The following MTSS1 variants were observed in gnomAD, a reference collection of about 807,000 sequenced individuals.
MTSS1 encodes protein MTSS 1.
Under a neutral mutation model 79.0 loss-of-function variants are expected in MTSS1, and 18 were observed. That is an observed-to-expected ratio of 0.23 (90% CI 0.16 to 0.34). The LOEUF is 0.34. Among genes scored for constraint, MTSS1 ranks in the 10% least tolerant of loss-of-function variants. MTSS1 has a pLI of 1.00. For missense variants in MTSS1, 815 were observed against 986.2 expected (o/e 0.83, Z 2.33); for synonymous variants, 341 against 368.6 (o/e 0.93, Z 0.86).
At chr8:124,649,745 A>G (rs534479496) in intron 3 of MTSS1, among the ~76,000 whole-genome samples, 1 of 152,292 alleles carries the variant, frequency 6.6e-6, no homozygotes, top group Non-Finnish European at 1.5e-5. Context: ...CACGACAACC[A>G]AAAGAAAGGA....
chr8:124,577,997 G>C, intron 6 of MTSS1, among the ~76,000 whole-genome samples: 1 of 152,190 alleles, frequency 6.6e-6, no homozygotes, highest in South Asian at 2.1e-4. Flanking sequence ...GATACGGCTG[G>C]GGGATGAGCA....
chr8:124,616,671 T>C (rs186749678), intron 3 of MTSS1, among the ~76,000 whole-genome samples: 100 of 152,242 alleles, frequency 6.6e-4, no homozygotes, highest in African/African-American at 2.3e-3. Flanking sequence ...TTCAGCAACT[T>C]CCCTGTCTGA....
intron 3 of MTSS1, among the ~76,000 whole-genome samples, chr8:124,660,645 AT>A (rs1821867377): frequency 6.6e-6 from 1 of 152,118 alleles, no homozygotes; most frequent in African/African-American, 2.4e-5. Context: ...CACACCAAAT[AT>A]GAGGCTCTGG....
At chr8:124,679,283 C>T (rs534858122) in intron 3 of MTSS1, among the ~76,000 whole-genome samples, 6 of 152,226 alleles carry the variant, frequency 3.9e-5, no homozygotes, top group Non-Finnish European at 8.8e-5. Flanking sequence ...ACTGCAGTCG[C>T]ACACTGTAGT....
At chr8:124,619,913 A>G (rs986315425) in intron 3 of MTSS1, among the ~76,000 whole-genome samples, 4 of 143,940 alleles carry the variant, frequency 2.8e-5, no homozygotes, top group African/African-American at 1.1e-4. Context: ...ATAACAGTAC[A>G]AAAATTACAG....
chr8:124,654,347 C>G (rs16899930), intron 3 of MTSS1, among the ~76,000 whole-genome samples: 14,111 of 152,122 alleles, frequency 0.093, 743 homozygotes, highest in African/African-American at 0.14. Context: ...TTCCCTGGCA[C>G]GCAAAGCATC....
chr8:124,589,825 T>A, intron 4 of MTSS1, 114 bp from the exon 5 acceptor site: 1 of 749,502 alleles, frequency 1.3e-6, no homozygotes, highest in South Asian at 1.7e-5. Flanking sequence ...AACGTTCTCA[T>A]CTAAACCCCG....
rs1822994152 is a variant in MTSS1, at chr8:124,553,776, C to T, written c.1568-84G>A. On this transcript the variant is annotated intron_variant, in intron 13 of 13. Coordinates refer to ENST00000518547, the MANE Select transcript of MTSS1 (RefSeq NM_014751.6). This position sits in a 1 kb window ranked among gnomAD's most constrained non-coding sequence, Gnocchi z 6.0. The stretch of plus-strand genomic sequence containing the variant: ...CTGGGCTGGGAGGACAAAAGGCACG[C>T]AAGGCAGGGTACACACACAGTCTCA... 4.1e-6 allele frequency: 5 copies of T among 1,228,582 alleles called. No homozygotes were observed. Among genetic ancestry groups the T allele is most frequent in the Non-Finnish European group, 5.7e-6 (5 of 882,412 alleles). 76.1% of individuals were successfully genotyped at this position (1,228,582 alleles called of 1,614,324 possible).
At chr8:124,583,714 A>G (rs1321084887) in intron 6 of MTSS1, among the ~76,000 whole-genome samples, 2 of 152,192 alleles carry the variant, frequency 1.3e-5, no homozygotes, top group Non-Finnish European at 2.9e-5. Flanking sequence ...CTCCCAGCCC[A>G]GGAATCCTTC....
chr8:124,553,197 T>C lies in MTSS1; in HGVS notation c.2063A>G (p.Gln688Arg). The C allele has an allele frequency of 6.2e-7, 1 of 1,614,166 alleles. No individual in the cohort carries two copies. Among genetic ancestry groups the C allele is most frequent in the Non-Finnish European group, 8.5e-7 (1 of 1,180,032 alleles). Residue 688 changes from glutamine to arginine, a missense_variant, in exon 14 of 14, where the codon CAG (glutamine) becomes CGG (arginine). By Grantham distance (43) the Gln-to-Arg change is conservative. This residue lies in a region of MTSS1 where 590 missense variants were observed against 620.8 expected (regional missense o/e 0.95). Coordinates refer to ENST00000518547, the MANE Select transcript of MTSS1 (RefSeq NM_014751.6). The surrounding 1 kb of genome is among the most constrained non-coding windows in gnomAD (Gnocchi z 6.0). ...TTCAGCTTCACTTTCTGGAATTGCCTGTCTGTGCTCCTCAGGGATACTGGG... is the reference window on the plus strand; with the variant it reads ...TTCAGCTTCACTTTCTGGAATTGCCCGTCTGTGCTCCTCAGGGATACTGGG... The part of the protein sequence containing the change: ...PKPSIPEEHR[Q>R]AIPESEAEDQ...
intron 3 of MTSS1, among the ~76,000 whole-genome samples, chr8:124,691,819 A>G (rs1827986960): frequency 1.3e-5 from 2 of 152,148 alleles, no homozygotes; most frequent in African/African-American, 4.8e-5. Context: ...TCCGGCTGAT[A>G]TACCTTTTTA....
rs1225466172 is a variant in MTSS1, at chr8:124,556,010, A to C, written c.1405-106T>G. On this transcript the variant is annotated intron_variant, in intron 12 of 13. Transcript: ENST00000518547. ...TACATGTCTGTGGGGCCAGGGGGCT[A>C]TTGACTTGCTTGGGTCCCACTCTGA... is the stretch of plus-strand genomic sequence containing the variant. The C allele has an allele frequency of 8.4e-6, 13 of 1,550,068 alleles. No homozygotes were observed. In the Admixed American group the frequency reaches 9.6e-5, roughly 11 times the overall value.
intron 1 of MTSS1, among the ~76,000 whole-genome samples, chr8:124,712,751 C>T (rs1294367124): frequency 6.6e-6 from 1 of 152,162 alleles, no homozygotes; most frequent in Non-Finnish European, 1.5e-5. Flanking sequence ...CACCCTCACC[C>T]ACTTGCCCAA....
At chr8:124,634,613 G>A (rs1816655021) in intron 3 of MTSS1, among the ~76,000 whole-genome samples, 1 of 152,130 alleles carries the variant, frequency 6.6e-6, no homozygotes, top group Non-Finnish European at 1.5e-5. Context: ...TATGACAACA[G>A]GGAAATACTC....
At chr8:124,641,917 G>A (rs1818124892) in intron 3 of MTSS1, among the ~76,000 whole-genome samples, 1 of 151,982 alleles carries the variant, frequency 6.6e-6, no homozygotes, top group Admixed American at 6.6e-5. Flanking sequence ...CCCTCTTCCC[G>A]CCAATTGTGG....
At chr8:124,611,591 C>G (rs544094264) in intron 3 of MTSS1, among the ~76,000 whole-genome samples, 1 of 152,232 alleles carries the variant, frequency 6.6e-6, no homozygotes, top group South Asian at 2.1e-4. Flanking sequence ...CCACCCACCT[C>G]AACACTTTAC....
At chr8:124,611,292 A>G (rs1835771946) in intron 3 of MTSS1, among the ~76,000 whole-genome samples, 1 of 151,986 alleles carries the variant, frequency 6.6e-6, no homozygotes, top group Non-Finnish European at 1.5e-5. Flanking sequence ...AGCTGGGGGG[A>G]TTGCTGGGTA....
chr8:124,711,947 A>C (rs1167617546), intron 1 of MTSS1, among the ~76,000 whole-genome samples: 1 of 151,734 alleles, frequency 6.6e-6, no homozygotes, highest in Non-Finnish European at 1.5e-5. Context: ...GGCAGAGGTT[A>C]CAATGAGCCG....
chr8:124,597,875 C>T lies in MTSS1; in HGVS notation c.209-6640G>A, dbSNP rs531816521. 6.6e-6 allele frequency among the ~76,000 whole-genome samples: 1 copy of T among 152,332 alleles called. No homozygotes were observed. Among genetic ancestry groups the T allele is most frequent in the East Asian group, 1.9e-4 (1 of 5,184 alleles). ...CAGAGGAGAGGAGAACGCTCTCAGGCATCTCTGCAGGAGAGGGGTGCAGGG... is the reference window on the plus strand; with the variant it reads ...CAGAGGAGAGGAGAACGCTCTCAGGTATCTCTGCAGGAGAGGGGTGCAGGG... On this transcript the variant is annotated intron_variant, in intron 3 of 13. Transcript: ENST00000518547. The surrounding 1 kb of genome is among the most constrained non-coding windows in gnomAD (Gnocchi z 4.6).
Sources: gnomAD v4.1 joint callset for allele counts (sites outside exome capture counted in the v4.1 genomes callset) on GRCh38, gnomAD v4.1.1 for gene constraint, gnomAD v4.1.1 regional missense constraint, Gnocchi (gnomAD v3.1) non-coding constraint, MANE v1.5 for transcripts, NCBI Gene and HGNC (gene_info 2026-07-23, HGNC 2026-07-21) for gene names.